Variants in KIAA1671 observed in about 807,000 individuals in gnomAD.
The protein encoded by KIAA1671 is KIAA1671.
In KIAA1671, 52 loss-of-function variants were observed where a neutral mutation model predicts 131.2. The ratio of observed to expected loss-of-function variants is 0.40; its 90% CI spans 0.32 to 0.50. The LOEUF is 0.50. Among genes scored for constraint, KIAA1671 ranks in the 20% least tolerant of loss-of-function variants. The pLI is 0.73. For missense variants in KIAA1671, 2,360 were observed against 2,364.2 expected, an observed-to-expected ratio of 1.00 and a Z score of 0.04; for synonymous variants, 1,003 against 961.6, an observed-to-expected ratio of 1.04 and a Z score of -0.80.
At chr22:25,080,544 TTTTA>T (rs1025067675) in intron 6 of KIAA1671, among the ~76,000 whole-genome samples, 2 of 152,142 alleles carry the variant, frequency 1.3e-5, no homozygotes, top group African/African-American at 2.4e-5. Flanking sequence ...ACTCTTTGTT[TTTTA>T]TTTATTTTTA....
intron 1 of KIAA1671, among the ~76,000 whole-genome samples, chr22:24,953,387 G>A (rs1304046441): frequency 6.6e-6 from 1 of 152,102 alleles, no homozygotes; most frequent in African/African-American, 2.4e-5. Flanking sequence ...CCCTGGTCGA[G>A]GGGAGCCCGG....
intron 1 of KIAA1671, among the ~76,000 whole-genome samples, chr22:24,985,440 C>T (rs936485833): frequency 2.6e-5 from 4 of 151,768 alleles, no homozygotes; most frequent in Non-Finnish European, 5.9e-5. Context: ...CCCGGGTTCA[C>T]GCCATTCTCC....
intron 6 of KIAA1671, chr22:25,060,340 G>GC (rs1928093460): frequency 6.6e-6 from 1 of 152,086 alleles, no homozygotes; most frequent in Admixed American, 6.5e-5. Flanking sequence ...GCACCATCAC[G>GC]CCTGGCTAAT....
At chr22:25,084,799 A>G (rs1428079179) in intron 6 of KIAA1671, among the ~76,000 whole-genome samples, 2 of 152,226 alleles carry the variant, frequency 1.3e-5, no homozygotes, top group Admixed American at 6.5e-5. Flanking sequence ...TTCAAAAACC[A>G]TCTAGAGTCT....
At chr22:25,092,536 A>G (rs1239784007) in intron 6 of KIAA1671, among the ~76,000 whole-genome samples, 1 of 152,184 alleles carries the variant, frequency 6.6e-6, no homozygotes, top group Non-Finnish European at 1.5e-5. Flanking sequence ...AGAACTGTCA[A>G]GCCCAGCCAG....
chr22:24,985,736 GTGTGTGTGTGTA>G (rs951267618), intron 1 of KIAA1671, among the ~76,000 whole-genome samples: 5 of 150,914 alleles, frequency 3.3e-5, no homozygotes, highest in African/African-American at 9.9e-5. Flanking sequence ...GAGTGTGTGA[GTGTGTGTGTGTA>G]TGTGTGTGTG....
At chr22:25,086,658 C>T (rs989959312) in intron 6 of KIAA1671, among the ~76,000 whole-genome samples, 1 of 152,194 alleles carries the variant, frequency 6.6e-6, no homozygotes, top group African/African-American at 2.4e-5. Context: ...TCCACCCAAC[C>T]CCACTGCAGA....
Position 25,049,346 on chromosome 22 carries a change from G to A in KIAA1671, c.4512G>A (p.Arg1504=), listed in dbSNP as rs1026453731. 6.4e-7 allele frequency: 1 copy of A among 1,551,124 alleles called. No individual in the cohort carries two copies. Among genetic ancestry groups the A allele is most frequent in the South Asian group, 1.2e-5 (1 of 84,048 alleles). The change falls in exon 6 of 13, where the codon AGG becomes AGA. Residue 1504 remains arginine, a synonymous_variant. Coordinates refer to ENST00000358431, the MANE Select transcript of KIAA1671 (RefSeq NM_001145206.2). ...GAAGCCACAGCTTCTGCAAAGACAG[G>A]AGGAGTGGGCCCTTTGTGGTGAGTG... ...PWRSHSFCKD[R]RSGPFVDQLK...
At chr22:25,103,138 C>T (rs533461177) in intron 6 of KIAA1671, among the ~76,000 whole-genome samples, 2 of 151,800 alleles carry the variant, frequency 1.3e-5, no homozygotes, top group East Asian at 3.9e-4. Flanking sequence ...GCTTTGGGAT[C>T]AGACAGGTCT....
chr22:24,995,730 A>AT (rs749895116), intron 1 of KIAA1671, among the ~76,000 whole-genome samples: 7 of 152,238 alleles, frequency 4.6e-5, no homozygotes, highest in Non-Finnish European at 1.0e-4. Context: ...GACCATTGGC[A>AT]TTATGCTAAG....
intron 11 of KIAA1671, among the ~76,000 whole-genome samples, chr22:25,186,654 A>C (rs1934485452): frequency 6.6e-6 from 1 of 152,234 alleles, no homozygotes; most frequent in African/African-American, 2.4e-5. Context: ...ATCATGGTGG[A>C]CAATTGGGTC....
intron 6 of KIAA1671, among the ~76,000 whole-genome samples, chr22:25,082,491 G>A (rs1014062775): frequency 7.9e-5 from 12 of 152,186 alleles, no homozygotes; most frequent in African/African-American, 2.7e-4. Context: ...GTAATGCATG[G>A]ATGACAAGGT....
intron 6 of KIAA1671, among the ~76,000 whole-genome samples, chr22:25,145,070 T>C (rs1932856903): frequency 6.6e-6 from 1 of 152,218 alleles, no homozygotes; most frequent in Admixed American, 6.5e-5. Context: ...AGGAGTCCTT[T>C]CCCTTTAGGG....
chr22:25,060,217 C>T (rs1928086190), intron 6 of KIAA1671: 1 of 152,232 alleles, frequency 6.6e-6, no homozygotes, highest in African/African-American at 2.4e-5. Flanking sequence ...GACTCTTGCT[C>T]TGTTGCCAAG....
chr22:25,097,925 T>C (rs1268798950), intron 6 of KIAA1671, among the ~76,000 whole-genome samples: 1 of 152,076 alleles, frequency 6.6e-6, no homozygotes, highest in Non-Finnish European at 1.5e-5. Flanking sequence ...TGGCATCTTA[T>C]TCCCTCATGG....
intron 1 of KIAA1671, chr22:25,022,975 G>A (rs1182710508): frequency 6.6e-6 from 1 of 152,484 alleles, no homozygotes; most frequent in African/African-American, 2.4e-5. Flanking sequence ...GGAGGCCGAG[G>A]CGGACGGATT....
chr22:25,105,954 A>G (rs532389612), intron 6 of KIAA1671, among the ~76,000 whole-genome samples: 4 of 152,144 alleles, frequency 2.6e-5, no homozygotes, highest in Non-Finnish European at 4.4e-5. Flanking sequence ...GCCTCCTTTC[A>G]TTGTTGGGAG....
rs1349519246 is a variant in KIAA1671, at chr22:25,039,798, G to T, written c.2668G>T (p.Ala890Ser). The change falls in exon 5 of 13, where the codon GCT (alanine) becomes TCT (serine). Residue 890 changes from alanine to serine, a missense_variant. By Grantham distance (99) the Ala-to-Ser change is moderately conservative. Coordinates refer to ENST00000358431, the MANE Select transcript of KIAA1671 (RefSeq NM_001145206.2). ...QGCPLDPLSR[A>S]TNGPSDSQAR... ...ATGCCCCCTCGATCCTCTTTCCAGG[G>T]CTACGAATGGGCCTTCTGACTCCCA... The T allele has an allele frequency of 6.6e-7, 1 of 1,516,012 alleles. No homozygotes were observed. Among genetic ancestry groups the T allele is most frequent in the South Asian group, 1.3e-5 (1 of 78,588 alleles). 93.9% of individuals were successfully genotyped at this position (1,516,012 alleles called of 1,614,324 possible).
At chr22:25,110,587 T>C (rs1232663751) in intron 6 of KIAA1671, among the ~76,000 whole-genome samples, 1 of 152,184 alleles carries the variant, frequency 6.6e-6, no homozygotes, top group Non-Finnish European at 1.5e-5. Flanking sequence ...AGAAACCTCC[T>C]TTAACAGGTG....
Sources: allele counts gnomAD v4.1 joint callset (sites outside exome capture counted in the v4.1 genomes callset), GRCh38; gene constraint gnomAD v4.1.1; transcripts MANE v1.5; gene names NCBI Gene and HGNC (gene_info 2026-07-23, HGNC 2026-07-21).